The following LIMS1 variants were observed in gnomAD, a reference collection of about 807,000 sequenced individuals.
LIMS1 encodes the protein LIM zinc finger domain containing 1.
A neutral mutation model predicts 44.1 loss-of-function variants in LIMS1; 18 were observed. The observed-to-expected ratio is 0.41, with a 90% confidence interval of 0.28 to 0.61. LIMS1 has a LOEUF of 0.61. LIMS1 is among the 20% of genes least tolerant of loss of function. The pLI, the probability that LIMS1 is intolerant of heterozygous loss-of-function variation, is 0.32. For synonymous variants in LIMS1, 93 were observed against 149.1 expected (o/e 0.62, Z 2.74); for missense variants, 201 against 422.0 (o/e 0.48, Z 4.59).
chr2:108,533,938 A>G (rs1341532180), upstream of LIMS1: 1 of 152,992 alleles, frequency 6.5e-6, no homozygotes, highest in Non-Finnish European at 1.5e-5. Flanking sequence ...CTTACCACAG[A>G]GCCCCCTCAG....
intron 1 of LIMS1, among the ~76,000 whole-genome samples, chr2:108,538,836 A>T (rs1281569036): frequency 6.6e-6 from 1 of 152,212 alleles, no homozygotes; most frequent in Non-Finnish European, 1.5e-5. Context: ...CATCTTCCCA[A>T]ACTGAAACTC....
At chr2:108,545,212 GATTTAC>G (rs1239107056) in intron 1 of LIMS1, among the ~76,000 whole-genome samples, 1 of 152,060 alleles carries the variant, frequency 6.6e-6, no homozygotes, top group Non-Finnish European at 1.5e-5. Flanking sequence ...CTGCCATCTG[GATTTAC>G]CAGCTTATAT....
intron 1 of LIMS1, among the ~76,000 whole-genome samples, chr2:108,635,568 G>A (rs1191582152): frequency 1.3e-5 from 2 of 152,062 alleles, no homozygotes; most frequent in African/African-American, 4.8e-5. Flanking sequence ...AGGCGTGGTG[G>A]TGGGTGCCTG....
chr2:108,565,216 G>A (rs762649168), intron 1 of LIMS1, among the ~76,000 whole-genome samples: 3 of 152,128 alleles, frequency 2.0e-5, no homozygotes, highest in East Asian at 1.9e-4. Context: ...TAAATGGAAT[G>A]TATGGAAAGG....
rs571222692 is a variant in LIMS1 at position 108,608,595 on chromosome 2, C to T, written c.33-51010C>T. On this transcript the variant is annotated intron_variant, in intron 1 of 9. Transcript: ENST00000544547. ...CTGGAATTACAGGCGTGAGCCACCG[C>T]GCCCGGCCCACTCACATTTTTAAAA... Among the ~76,000 whole-genome samples, 6 of 152,308 alleles carry T rather than the reference C, an allele frequency of 3.9e-5. No homozygotes were observed. The East Asian group carries it at 5.8e-4, about 15-fold the overall frequency.
intron 1 of LIMS1, among the ~76,000 whole-genome samples, chr2:108,601,737 G>A (rs1263867669): frequency 7.2e-5 from 11 of 152,170 alleles, no homozygotes; most frequent in Admixed American, 5.9e-4. Flanking sequence ...GGCTGGTCTC[G>A]AACTCCTGAA....
At chr2:108,597,005 T>G (rs2104705155) in intron 1 of LIMS1, among the ~76,000 whole-genome samples, 1 of 144,974 alleles carries the variant, frequency 6.9e-6, no homozygotes, top group African/African-American at 2.6e-5. Context: ...GCCTCCTGGG[T>G]TCAAACGATT....
chr2:108,582,516 C>A (rs896986964), intron 1 of LIMS1, among the ~76,000 whole-genome samples: 1 of 152,176 alleles, frequency 6.6e-6, no homozygotes, highest in African/African-American at 2.4e-5. Flanking sequence ...CACATGTAAT[C>A]CCAGCACTTT....
chr2:108,671,386 A>G (rs1692151492), intron 3 of LIMS1, among the ~76,000 whole-genome samples: 1 of 152,194 alleles, frequency 6.6e-6, no homozygotes, highest in African/African-American at 2.4e-5. Flanking sequence ...GGGATGAACT[A>G]GGACTCCTAT....
At chr2:108,684,047 T>C (rs1473339213) in exon 10 of LIMS1, 2 of 973,702 alleles carry the variant, frequency 2.1e-6, no homozygotes, top group East Asian at 5.0e-5. Context: ...TTACCAACAT[T>C]ACTTGTCTTG....
At chr2:108,541,916 C>A (rs1412309954) in intron 1 of LIMS1, among the ~76,000 whole-genome samples, 4 of 152,136 alleles carry the variant, frequency 2.6e-5, no homozygotes. Context: ...TTGGTAATTA[C>A]CAATTTCTGT....
At chr2:108,602,387 G>A (rs1002647193) in intron 1 of LIMS1, among the ~76,000 whole-genome samples, 7 of 152,166 alleles carry the variant, frequency 4.6e-5, no homozygotes, top group Non-Finnish European at 8.8e-5. Flanking sequence ...TAGAGCAAAG[G>A]CTTTCAGTTT....
chr2:108,607,823 TTCAC>T (rs1404019328), intron 1 of LIMS1, among the ~76,000 whole-genome samples: 1 of 152,184 alleles, frequency 6.6e-6, no homozygotes, highest in African/African-American at 2.4e-5. Context: ...TCCTTGGGCT[TTCAC>T]TGTGGGTAAC....
In LIMS1 at chr2:108,680,676, C is replaced by T; in HGVS notation, c.824-19C>T. On this transcript the variant is annotated intron_variant, in intron 8 of 9. Coordinates refer to ENST00000544547, the Ensembl canonical transcript of LIMS1. ...CTGATGTATTTCCATGTGACCAGATCTCTTTCCTCTTTCTCCAGTGGTCTC... is the reference window on the plus strand; with the variant it reads ...CTGATGTATTTCCATGTGACCAGATTTCTTTCCTCTTTCTCCAGTGGTCTC... 1.2e-6 allele frequency: 2 copies of T among 1,603,150 alleles called. No individual in the cohort carries two copies. Among genetic ancestry groups the T allele is most frequent in the Non-Finnish European group, 1.7e-6 (2 of 1,175,202 alleles).
chr2:108,543,211 G>A (rs531162840), intron 1 of LIMS1, among the ~76,000 whole-genome samples: 12 of 152,060 alleles, frequency 7.9e-5, no homozygotes, highest in Non-Finnish European at 1.6e-4. Context: ...TGAGAGGATC[G>A]CTTGAGCCCA....
At chr2:108,536,926 A>G (rs1420627870) in intron 1 of LIMS1, among the ~76,000 whole-genome samples, 1 of 152,212 alleles carries the variant, frequency 6.6e-6, no homozygotes, top group African/African-American at 2.4e-5. Flanking sequence ...CTTTTCTGGG[A>G]TAAATGTCCA....
rs546456143 is a variant in LIMS1, at chr2:108,621,440, G to T, written c.33-38165G>T. On this transcript the variant is annotated intron_variant, in intron 1 of 9. Transcript: ENST00000544547. The stretch of plus-strand genomic sequence containing the variant: ...CGCCCCGATAGTTTGAGAGTAAATG[G>T]GTTACCAGAGGAAGAGCTAAGGTGA... The T allele has an allele frequency of 5.2e-6, 8 of 1,551,130 alleles. No homozygotes were observed. In the South Asian group the frequency reaches 7.1e-5, roughly 14 times the overall value.
At chr2:108,548,929 T>G (rs1304890054) in intron 1 of LIMS1, among the ~76,000 whole-genome samples, 1 of 152,214 alleles carries the variant, frequency 6.6e-6, no homozygotes, top group Non-Finnish European at 1.5e-5. Flanking sequence ...GGAGATTAGC[T>G]GAACAAATGA....
chr2:108,541,036 C>T (rs1684299301), intron 1 of LIMS1, among the ~76,000 whole-genome samples: 1 of 152,200 alleles, frequency 6.6e-6, no homozygotes, highest in Non-Finnish European at 1.5e-5. Flanking sequence ...CAGAATTGTT[C>T]TATTACAGGT....
Sources: gnomAD v4.1 joint callset for allele counts (sites outside exome capture counted in the v4.1 genomes callset) on GRCh38, gnomAD v4.1.1 for gene constraint, MANE v1.5 for transcripts, NCBI Gene and HGNC (gene_info 2026-07-23, HGNC 2026-07-21) for gene names.